FLT1: variants seen among roughly 807,000 people sequenced by gnomAD.
FLT1 encodes the protein fms related receptor tyrosine kinase 1.
A neutral mutation model predicts 156.3 loss-of-function variants in FLT1; 49 were observed. That is an observed-to-expected ratio of 0.31 (90% CI 0.25 to 0.40). FLT1 has a LOEUF of 0.40. Ranked by LOEUF, FLT1 falls within the 10% of genes least tolerant of loss-of-function variation. The pLI, the probability that FLT1 is intolerant of heterozygous loss-of-function variation, is 1.00. For missense variants in FLT1, 1,322 were observed against 1,637.2 expected (o/e 0.81, Z 3.32); for synonymous variants, 594 against 583.8 (o/e 1.02, Z -0.25).
In FLT1 at chr13:28,389,848, C is replaced by A. The variant is rs1874593586; in HGVS notation, c.1917G>T (p.Arg639Ser). The A allele has an allele frequency of 1.2e-6, 2 of 1,614,174 alleles. No homozygotes were observed. The highest frequency in any genetic ancestry group is 2.2e-5 in the South Asian group (2 of 91,084). Residue 639 changes from arginine to serine, a missense_variant, in exon 13 of 30, where the codon AGG becomes AGT. Physicochemically the swap from Arg to Ser is moderately radical, Grantham distance 110. Coordinates refer to ENST00000282397, the MANE Select transcript of FLT1 (RefSeq NM_002019.4). ...QDSGTYACRA[R>S]NVYTGEEILQ... ...GGATTTCTTCCCCTGTGTATACATT[C>A]CTGGCTCTGCAGGCATAGGTGCCTG...
At chr13:28,490,638 C>T (rs1881419355) in intron 1 of FLT1, among the ~76,000 whole-genome samples, 1 of 152,184 alleles carries the variant, frequency 6.6e-6, no homozygotes, top group African/African-American at 2.4e-5. Flanking sequence ...TCATTTCTTA[C>T]AAGCCTCTCC....
At chr13:28,481,016 C>T (rs1021246729) in intron 1 of FLT1, among the ~76,000 whole-genome samples, 30 of 152,314 alleles carry the variant, frequency 2.0e-4, no homozygotes, top group African/African-American at 7.0e-4. Flanking sequence ...CCACACATGA[C>T]CCAGAGCCAA....
chr13:28,355,123 G>A (rs1379128505), intron 15 of FLT1, among the ~76,000 whole-genome samples: 1 of 152,160 alleles, frequency 6.6e-6, no homozygotes, highest in Non-Finnish European at 1.5e-5. Flanking sequence ...ACTTCCTAAG[G>A]CACCTCAGGA....
chr13:28,335,747 G>T (rs1872094589), intron 17 of FLT1, among the ~76,000 whole-genome samples: 1 of 152,164 alleles, frequency 6.6e-6, no homozygotes, highest in South Asian at 2.1e-4. Flanking sequence ...ATTACTAAAT[G>T]ACATTCCTCC....
intron 13 of FLT1, chr13:28,386,360 A>AT (rs1874363296): frequency 9.9e-7 from 1 of 1,006,796 alleles, no homozygotes; most frequent in Admixed American, 5.6e-5. Flanking sequence ...GTAGTATATC[A>AT]TGGCAGGGTT....
chr13:28,404,629 G>C (rs1875669387), intron 11 of FLT1, among the ~76,000 whole-genome samples: 1 of 152,170 alleles, frequency 6.6e-6, no homozygotes, highest in Admixed American at 6.5e-5. Flanking sequence ...ACTCAAGCAG[G>C]CAGTGGAATC....
At chr13:28,399,466 A>G (rs954221595) in intron 11 of FLT1, among the ~76,000 whole-genome samples, 3 of 152,166 alleles carry the variant, frequency 2.0e-5, no homozygotes, top group Non-Finnish European at 2.9e-5. Context: ...TTTTGATTTC[A>G]TTGAACTTAG....
chr13:28,442,236 T>C (rs887957778), intron 3 of FLT1, among the ~76,000 whole-genome samples: 1 of 152,246 alleles, frequency 6.6e-6, no homozygotes, highest in African/African-American at 2.4e-5. Flanking sequence ...TTTTGTCTCT[T>C]TTGTGCATCC....
At chr13:28,328,307 G>A (rs1479655505) in intron 19 of FLT1, 1 of 152,148 alleles carries the variant, frequency 6.6e-6, no homozygotes, top group African/African-American at 2.4e-5. Context: ...TTGCCAACCC[G>A]ACCCCGGTCT....
intron 15 of FLT1, chr13:28,346,217 C>T (rs2138860220): frequency 6.5e-6 from 1 of 152,852 alleles, no homozygotes; most frequent in Middle Eastern, 3.4e-3. Flanking sequence ...TCCCAGTCAC[C>T]TTCTCTATCA....
In FLT1 at chr13:28,319,489, T is replaced by G. The variant is rs1288824122; in HGVS notation, c.3220A>C (p.Lys1074Gln). 4.3e-6 allele frequency: 7 copies of G among 1,613,946 alleles called. No homozygotes were observed. In the South Asian group the frequency reaches 7.7e-5, roughly 18 times the overall value. The change falls in exon 24 of 30, where the codon AAA becomes CAA. Residue 1074 changes from lysine to glutamine, a missense_variant. Physicochemically the swap from Lys to Gln is moderately conservative, Grantham distance 53 (BLOSUM62 1). Transcript: ENST00000282397. Reference protein sequence around the residue: ...KWMAPESIFDKIYSTKSDVWS... With the variant: ...KWMAPESIFDQIYSTKSDVWS... ...ACGTCGCTCTTGGTGCTGTAGATTT[T>G]GTCAAAGATAGATTCAGGAGCCATC...
intron 14 of FLT1, among the ~76,000 whole-genome samples, chr13:28,381,020 C>T (rs140693528): frequency 4.9e-4 from 74 of 152,308 alleles, no homozygotes; most frequent in African/African-American, 1.8e-3. Context: ...ATCTCCCCAG[C>T]ACACTGGACT....
chr13:28,460,747 C>A (rs1032157285), intron 3 of FLT1, among the ~76,000 whole-genome samples: 1 of 139,002 alleles, frequency 7.2e-6, no homozygotes, highest in African/African-American at 2.7e-5. Context: ...AACTTTTAAA[C>A]TTATTATGCT....
intron 1 of FLT1, among the ~76,000 whole-genome samples, chr13:28,479,771 A>G (rs771844343): frequency 1.3e-5 from 2 of 152,234 alleles, no homozygotes; most frequent in Non-Finnish European, 2.9e-5. Context: ...CTCAGGGGAT[A>G]TATACCCATA....
chr13:28,435,980 CA>C (rs1257623618), intron 4 of FLT1, among the ~76,000 whole-genome samples: 1 of 152,156 alleles, frequency 6.6e-6, no homozygotes, highest in African/African-American at 2.4e-5. Flanking sequence ...TAAGTGAAAA[CA>C]AGCATGTGCT....
chr13:28,325,065 C>T (rs1228692457), intron 20 of FLT1, among the ~76,000 whole-genome samples: 1 of 152,028 alleles, frequency 6.6e-6, no homozygotes, highest in East Asian at 1.9e-4. Context: ...CTTTATCTTC[C>T]AAATATGAAA....
intron 18 of FLT1, among the ~76,000 whole-genome samples, chr13:28,330,595 T>TATATATATCATATATATATG (rs1871886970): frequency 1.4e-5 from 2 of 147,802 alleles, no homozygotes; most frequent in African/African-American, 5.0e-5. Context: ...GTCCTATATA[T>TATATATATCATATATATATG]ATATATATAT....
intron 3 of FLT1, among the ~76,000 whole-genome samples, chr13:28,442,717 C>CACAT (rs1878400160): frequency 6.6e-6 from 1 of 151,836 alleles, no homozygotes; most frequent in Admixed American, 6.6e-5. Context: ...CACACACACA[C>CACAT]ACACACACAC....
chr13:28,319,346 C>G, intron 24 of FLT1, 77 bp downstream of exon 24: 4 of 980,926 alleles, frequency 4.1e-6, no homozygotes, highest in African/African-American at 1.6e-5. Context: ...TAAAGGCTGT[C>G]TAACCAAAGG....
Sources: gnomAD v4.1 joint callset for allele counts (sites outside exome capture counted in the v4.1 genomes callset) on GRCh38, gnomAD v4.1.1 for gene constraint, MANE v1.5 for transcripts, NCBI Gene and HGNC (gene_info 2026-07-23, HGNC 2026-07-21) for gene names.